Variants in GPR137B observed in about 807,000 individuals in gnomAD.
GPR137B encodes G protein-coupled receptor 137B.
GPR137B carries 42 observed loss-of-function variants against 42.5 expected under a neutral mutation model. That is an observed-to-expected ratio of 0.99 (90% CI 0.77 to 1.28). GPR137B has a LOEUF of 1.28. Among genes scored for constraint, GPR137B ranks in the 50% most tolerant of loss-of-function variants. The probability of loss-of-function intolerance (pLI) is 0.00; values close to 1 mark genes in which losing one functional copy is unlikely to be tolerated. For synonymous variants in GPR137B, 218 were observed against 209.7 expected (o/e 1.04, Z -0.34); for missense variants, 487 against 493.9 (o/e 0.99, Z 0.13).
In GPR137B at chr1:236,208,335, A is replaced by G; in HGVS notation, c.*177A>G. On this transcript the variant is annotated 3_prime_UTR_variant, in exon 7 of 7. Coordinates refer to ENST00000366592, the MANE Select transcript of GPR137B (RefSeq NM_003272.4). ...ATGTAGACTGATAAACCCTTATTTT[A>G]GTACTAAAGAGGGAGCCTTGCTATT... 7.6e-7 allele frequency: 1 copy of G among 1,318,994 alleles called. No homozygotes were observed. The highest frequency in any genetic ancestry group is 9.7e-7 in the Non-Finnish European group (1 of 1,030,992). 81.7% of individuals were successfully genotyped at this position (1,318,994 alleles called of 1,614,324 possible).
At chr1:236,159,270 C>T (rs1662117254) in intron 1 of GPR137B, among the ~76,000 whole-genome samples, 1 of 152,158 alleles carries the variant, frequency 6.6e-6, no homozygotes, top group Non-Finnish European at 1.5e-5. Flanking sequence ...GCTATGATGG[C>T]ACCACTGCAC....
chr1:236,175,958 A>T lies in GPR137B; in HGVS notation c.465-2456A>T, dbSNP rs532849487. Among the ~76,000 whole-genome samples, 5 of 152,300 alleles carry T rather than the reference A, an allele frequency of 3.3e-5. No individual in the cohort carries two copies. In the East Asian group the frequency reaches 9.6e-4, roughly 29 times the overall value. ...GAAGAAACACTCCCATGTTGAATGC[A>T]CAGTGTTCCATAGTGCAAGATGATC... On this transcript the variant is annotated intron_variant, in intron 2 of 6. Transcript: ENST00000366592.
At chr1:236,203,219 G>A (rs1371336342) in intron 5 of GPR137B, among the ~76,000 whole-genome samples, 2 of 151,888 alleles carry the variant, frequency 1.3e-5, no homozygotes, top group East Asian at 1.9e-4. Context: ...CTGGGACTAT[G>A]GGCACCCCCC....
intron 1 of GPR137B, among the ~76,000 whole-genome samples, chr1:236,154,241 C>T (rs1187844838): frequency 1.3e-5 from 2 of 152,048 alleles, no homozygotes; most frequent in Admixed American, 6.6e-5. Context: ...CTCAGCGAAT[C>T]GTGGGGTCCA....
chr1:236,160,644 A>C (rs779712313), intron 1 of GPR137B, among the ~76,000 whole-genome samples: 1 of 152,160 alleles, frequency 6.6e-6, no homozygotes, highest in African/African-American at 2.4e-5. Context: ...TTTGGAAAGC[A>C]GTTTATGCTC....
chr1:236,161,345 C>T (rs1195449642), intron 1 of GPR137B, among the ~76,000 whole-genome samples: 2 of 152,022 alleles, frequency 1.3e-5, no homozygotes, highest in Non-Finnish European at 1.5e-5. Flanking sequence ...GCTCCGGGCT[C>T]CTGCAGCACC....
chr1:236,165,602 C>A (rs1432160714), intron 1 of GPR137B, among the ~76,000 whole-genome samples: 1 of 152,160 alleles, frequency 6.6e-6, no homozygotes. Context: ...CTTATTAAGG[C>A]TGCAGTGAAC....
rs909856716 is a variant in GPR137B, at chr1:236,156,250, G to C, written c.415-12456G>C. The stretch of plus-strand genomic sequence containing the variant: ...GACCAGCTTCTTGGGCCACATGCTT[G>C]CCAAAGTCAAAGGTGGGAGGTGATG... On this transcript the variant is annotated intron_variant, in intron 1 of 6. Coordinates refer to ENST00000366592, the MANE Select transcript of GPR137B (RefSeq NM_003272.4). This position sits in a 1 kb window ranked among gnomAD's most constrained non-coding sequence, Gnocchi z 4.8. Among the ~76,000 whole-genome samples the C allele has an allele frequency of 2.0e-5, 3 of 152,224 alleles. No individual in the cohort carries two copies. Among genetic ancestry groups the C allele is most frequent in the African/African-American group, 7.2e-5 (3 of 41,458 alleles).
In GPR137B at chr1:236,158,077, G is replaced by A. The variant is rs184901958; in HGVS notation, c.415-10629G>A. Among the ~76,000 whole-genome samples, 433 of 152,306 alleles carry A rather than the reference G, an allele frequency of 2.8e-3. 2 individuals carry two copies. The highest frequency in any genetic ancestry group is 4.0e-3 in the Non-Finnish European group (274 of 68,022). ...AGTGATTACTTTCCTGGGAGCAAAT[G>A]GCACCAGGAGGGGGCAGGCTGGGAG... On this transcript the variant is annotated intron_variant, in intron 1 of 6. Transcript: ENST00000366592.
intron 5 of GPR137B, among the ~76,000 whole-genome samples, chr1:236,198,813 A>AG (rs1351541125): frequency 1.3e-5 from 2 of 152,030 alleles, no homozygotes; most frequent in Non-Finnish European, 2.9e-5. Context: ...ATAAGTCTTT[A>AG]GGGTTTTCTA....
chr1:236,182,301 ACT>A (rs1419570160), intron 4 of GPR137B, among the ~76,000 whole-genome samples: 1 of 151,708 alleles, frequency 6.6e-6, no homozygotes, highest in Non-Finnish European at 1.5e-5. Context: ...CTAAACTGAA[ACT>A]CTGTATCCAT....
At chr1:236,176,520 C>T (rs1458547705) in intron 2 of GPR137B, among the ~76,000 whole-genome samples, 2 of 152,156 alleles carry the variant, frequency 1.3e-5, no homozygotes, top group Non-Finnish European at 1.5e-5. Flanking sequence ...CTTCATCCCA[C>T]TCTCTCAGCA....
chr1:236,200,850 T>C (rs1479311587), intron 5 of GPR137B, among the ~76,000 whole-genome samples: 1 of 151,992 alleles, frequency 6.6e-6, no homozygotes, highest in Non-Finnish European at 1.5e-5. Context: ...CCAACATTAG[T>C]ATTGAGATGT....
At chr1:236,152,529 G>A (rs1035624341) in intron 1 of GPR137B, among the ~76,000 whole-genome samples, 4 of 152,014 alleles carry the variant, frequency 2.6e-5, no homozygotes, top group African/African-American at 7.3e-5. Flanking sequence ...AGGCCGAGGC[G>A]GGTGGATCAT....
In GPR137B at chr1:236,147,697, C is replaced by G. The variant is rs1007234954; in HGVS notation, c.414+4661C>G. On this transcript the variant is annotated intron_variant, in intron 1 of 6. Transcript: ENST00000366592. ...GCACAGGTCAGGCTCCACCGGGACT[C>G]CACCTGCAAACAGTCCCAGCTCAGC... Among the ~76,000 whole-genome samples, 15 of 152,318 alleles carry G rather than the reference C, an allele frequency of 9.8e-5. No homozygotes were observed. The Middle Eastern group carries it at 0.01, about 104-fold the overall frequency.
At chr1:236,178,785 G>GTTTGTTTTTTTTTTTT (rs1662772132) in intron 3 of GPR137B, 149 bp downstream of exon 3, 1 of 48,310 alleles carries the variant, frequency 2.1e-5, no homozygotes, top group Non-Finnish European at 4.5e-5. Context: ...GCTACTCGAG[G>GTTTGTTTTTTTTTTTT]TTTTTTTTTT....
In GPR137B at chr1:236,156,088, A is replaced by G. The variant is rs1886655; in HGVS notation, c.415-12618A>G. Among the ~76,000 whole-genome samples, 4,943 of 152,304 alleles carry G rather than the reference A, an allele frequency of 0.032. 258 individuals carry two copies. Among genetic ancestry groups the G allele is most frequent in the African/African-American group, 0.11 (4,628 of 41,558 alleles). On this transcript the variant is annotated intron_variant, in intron 1 of 6. Transcript: ENST00000366592. The surrounding 1 kb of genome is among the most constrained non-coding windows in gnomAD (Gnocchi z 4.8). ...CTCAGGAGGGCTGGAGAAGGCTGCA[A>G]ACACATCCAGGGAGCTCCGAGGTCT...
chr1:236,186,691 T>C (rs1311120563), intron 5 of GPR137B, among the ~76,000 whole-genome samples: 1 of 152,150 alleles, frequency 6.6e-6, no homozygotes, highest in Non-Finnish European at 1.5e-5. Context: ...GGCTGCATAG[T>C]ATTCCATGGT....
chr1:236,153,348 A>G (rs1357205137), intron 1 of GPR137B, among the ~76,000 whole-genome samples: 1 of 152,126 alleles, frequency 6.6e-6, no homozygotes, highest in African/African-American at 2.4e-5. Context: ...CCTATCCTTA[A>G]TATTTCATAT....
Sources: gnomAD v4.1 joint callset for allele counts (sites outside exome capture counted in the v4.1 genomes callset) on GRCh38, gnomAD v4.1.1 for gene constraint, Gnocchi (gnomAD v3.1) non-coding constraint, MANE v1.5 for transcripts, NCBI Gene and HGNC (gene_info 2026-07-23, HGNC 2026-07-21) for gene names.